The following FHOD3 variants were observed in gnomAD, a reference collection of about 807,000 sequenced individuals.
The protein encoded by FHOD3 is FH1/FH2 domain-containing protein 3.
FHOD3 carries 90 observed loss-of-function variants against 173.0 expected under a neutral mutation model. The observed-to-expected ratio is 0.52, with a 90% confidence interval of 0.44 to 0.62. The LOEUF is 0.62. Among genes scored for constraint, FHOD3 ranks in the 20% least tolerant of loss-of-function variants. The pLI, the probability that FHOD3 is intolerant of heterozygous loss-of-function variation, is 0.00. For synonymous variants in FHOD3, 828 were observed against 823.0 expected (o/e 1.01, Z -0.10); for missense variants, 1,945 against 2,034.7 (o/e 0.96, Z 0.85).
intron 2 of FHOD3, among the ~76,000 whole-genome samples, chr18:36,370,240 G>A (rs1359751903): frequency 2.0e-5 from 3 of 152,064 alleles, no homozygotes; most frequent in Non-Finnish European, 4.4e-5. Flanking sequence ...TTCATGTATA[G>A]GATTTTGTGT....
chr18:36,482,082 C>T (rs1599321837), intron 3 of FHOD3, among the ~76,000 whole-genome samples: 1 of 152,214 alleles, frequency 6.6e-6, no homozygotes, highest in East Asian at 1.9e-4. Context: ...ACTTCAAATA[C>T]CCTATTCATA....
rs142218914 is a variant in FHOD3 at position 36,492,689 on chromosome 18, T to C, written c.338-9243T>C. 6.6e-5 allele frequency among the ~76,000 whole-genome samples: 10 copies of C among 152,326 alleles called. No homozygotes were observed. In the East Asian group the frequency reaches 1.9e-3, roughly 29 times the overall value. On this transcript the variant is annotated intron_variant, in intron 3 of 28. Coordinates refer to ENST00000590592, the MANE Select transcript of FHOD3 (RefSeq NM_001281740.3). ...GTTCTTCTTAAGCAGTCTTCTGTCTTACCAGGTCTCATGACCTTGTCATTG... is the reference window on the plus strand; with the variant it reads ...GTTCTTCTTAAGCAGTCTTCTGTCTCACCAGGTCTCATGACCTTGTCATTG...
chr18:36,452,126 G>C (rs958120326), intron 3 of FHOD3, among the ~76,000 whole-genome samples: 2 of 152,148 alleles, frequency 1.3e-5, no homozygotes, highest in Non-Finnish European at 2.9e-5. Flanking sequence ...GTCATCACGA[G>C]TTACGAGAAT....
intron 1 of FHOD3, among the ~76,000 whole-genome samples, chr18:36,340,761 C>G (rs565392633): frequency 6.6e-6 from 1 of 152,072 alleles, no homozygotes; most frequent in East Asian, 1.9e-4. Flanking sequence ...CTCAGCCTCC[C>G]GAGTAGCTGG....
intron 10 of FHOD3, among the ~76,000 whole-genome samples, chr18:36,628,489 C>G (rs1292123740): frequency 6.6e-6 from 1 of 152,190 alleles, no homozygotes; most frequent in Non-Finnish European, 1.5e-5. Flanking sequence ...TCCCTGTAGA[C>G]TTAAGCCAGC....
chr18:36,489,846 C>T (rs887204199), intron 3 of FHOD3, among the ~76,000 whole-genome samples: 7 of 151,988 alleles, frequency 4.6e-5, no homozygotes, highest in Non-Finnish European at 7.4e-5. Flanking sequence ...GAAAAGAGAA[C>T]GTAGAAAGAA....
intron 1 of FHOD3, among the ~76,000 whole-genome samples, chr18:36,345,209 T>G (rs1232803367): frequency 1.5e-5 from 1 of 65,298 alleles, no homozygotes; most frequent in Non-Finnish European, 2.6e-5. Context: ...ACAGAGTATG[T>G]TTTTTTTTAT....
intron 1 of FHOD3, among the ~76,000 whole-genome samples, chr18:36,353,341 A>G (rs1245102396): frequency 6.6e-6 from 1 of 152,248 alleles, no homozygotes; most frequent in Non-Finnish European, 1.5e-5. Flanking sequence ...TGTTGTGGAT[A>G]ACCAGAAACA....
intron 3 of FHOD3, among the ~76,000 whole-genome samples, chr18:36,402,819 C>T (rs915562015): frequency 2.0e-5 from 3 of 152,190 alleles, no homozygotes; most frequent in African/African-American, 7.2e-5. Context: ...ATTATCTGAA[C>T]TAGAACCACA....
At chr18:36,587,952 AAGCAGGTTGG>A (rs1402188249) in intron 6 of FHOD3, among the ~76,000 whole-genome samples, 1 of 152,230 alleles carries the variant, frequency 6.6e-6, no homozygotes, top group Admixed American at 6.5e-5. Context: ...ATTGTGTCAT[AAGCAGGTTGG>A]CCATCAGGCC....
At chr18:36,335,809 C>T (rs1173158125) in intron 1 of FHOD3, among the ~76,000 whole-genome samples, 1 of 152,176 alleles carries the variant, frequency 6.6e-6, no homozygotes, top group Non-Finnish European at 1.5e-5. Context: ...CCTCACGTGC[C>T]TCTGTTGCTA....
chr18:36,648,114 G>A (rs1980517793), intron 10 of FHOD3, among the ~76,000 whole-genome samples: 1 of 152,172 alleles, frequency 6.6e-6, no homozygotes, highest in East Asian at 1.9e-4. Flanking sequence ...AAGATGCTGG[G>A]GGCATTGAGA....
At chr18:36,703,355 C>T (rs887546007) in intron 17 of FHOD3, among the ~76,000 whole-genome samples, 5 of 152,236 alleles carry the variant, frequency 3.3e-5, no homozygotes, top group African/African-American at 4.8e-5. Context: ...GTGTTCTGTG[C>T]GGGAGTCAGC....
chr18:36,418,560 G>A (rs905104767), intron 3 of FHOD3, among the ~76,000 whole-genome samples: 18 of 152,236 alleles, frequency 1.2e-4, no homozygotes, highest in African/African-American at 3.9e-4. Flanking sequence ...ATGGCAAAAC[G>A]TTGACTTTTG....
At chr18:36,603,720 T>C (rs888246129) in intron 8 of FHOD3, among the ~76,000 whole-genome samples, 1 of 152,070 alleles carries the variant, frequency 6.6e-6, no homozygotes, top group Non-Finnish European at 1.5e-5. Context: ...GCCAGGCTGG[T>C]CTTGAACTCT....
Position 36,742,841 on chromosome 18 carries a change from T to C in FHOD3, c.3864T>C (p.Phe1288=). 7.4e-6 allele frequency: 12 copies of C among 1,613,470 alleles called. No homozygotes were observed. The highest frequency in any genetic ancestry group is 1.0e-5 in the Non-Finnish European group (12 of 1,179,780). Residue 1288 remains phenylalanine (F), a synonymous_variant, in exon 22 of 29, where the codon TTT becomes TTC. Coordinates refer to ENST00000590592, the MANE Select transcript of FHOD3 (RefSeq NM_001281740.3). ...ILSTLLAIGN[F]LNGTNAKAFE... is the part of the protein sequence containing the mutation. Reference sequence around the variant, plus strand: ...CTACTCTCTTAGCCATTGGGAACTTTCTAAATGGAACTAATGTAAGTCATC... The same window carrying C: ...CTACTCTCTTAGCCATTGGGAACTTCCTAAATGGAACTAATGTAAGTCATC...
intron 2 of FHOD3, among the ~76,000 whole-genome samples, chr18:36,356,658 C>A (rs528248751): frequency 6.6e-6 from 1 of 151,268 alleles, no homozygotes. Flanking sequence ...ATTTTTGAGA[C>A]GGAATCTCGC....
chr18:36,400,536 C>T (rs1037069118), intron 3 of FHOD3, among the ~76,000 whole-genome samples: 1 of 152,134 alleles, frequency 6.6e-6, no homozygotes, highest in Non-Finnish European at 1.5e-5. Flanking sequence ...CTGAATTTTC[C>T]CTAGATCTCT....
chr18:36,524,569 C>T (rs1338135008), intron 5 of FHOD3, among the ~76,000 whole-genome samples: 1 of 152,132 alleles, frequency 6.6e-6, no homozygotes, highest in Non-Finnish European at 1.5e-5. Flanking sequence ...TGCGCACAGG[C>T]AGCCCACCCT....
Sources: allele counts gnomAD v4.1 joint callset (sites outside exome capture counted in the v4.1 genomes callset), GRCh38; gene constraint gnomAD v4.1.1; transcripts MANE v1.5; gene names NCBI Gene and HGNC (gene_info 2026-07-23, HGNC 2026-07-21).